SEC22C: variants seen among roughly 807,000 people sequenced by gnomAD.
SEC22C encodes the protein vesicle-trafficking protein SEC22c.
SEC22C carries 29 observed loss-of-function variants against 34.7 expected under a neutral mutation model. That is an observed-to-expected ratio of 0.84 (90% confidence interval 0.62 to 1.14). The LOEUF (loss-of-function observed/expected upper bound fraction) is 1.14, where lower values mean the gene tolerates loss of function less well. Ranked by LOEUF, SEC22C falls within the 50% of genes most tolerant of loss-of-function variation. The pLI is 0.00. For missense variants in SEC22C, 337 were observed against 369.0 expected (o/e 0.91, Z 0.71); for synonymous variants, 117 against 132.8 (o/e 0.88, Z 0.82).
chr3:42,576,028 G>T lies in SEC22C; in HGVS notation c.-28+5818C>A, dbSNP rs576671839. Among the ~76,000 whole-genome samples the T allele has an allele frequency of 1.8e-3, 274 of 152,136 alleles. 1 individual carries two copies. The highest frequency in any genetic ancestry group is 6.2e-3 in the African/African-American group (259 of 41,504). ...ACAAAGTGTGTTATATGACCACAGTGTAATCAAATTATAAATTAATAACAG... is the reference window on the plus strand; with the variant it reads ...ACAAAGTGTGTTATATGACCACAGTTTAATCAAATTATAAATTAATAACAG... On this transcript the variant is annotated intron_variant, in intron 1 of 6. Coordinates refer to ENST00000264454, the MANE Select transcript of SEC22C (RefSeq NM_032970.4).
At chr3:42,563,865 G>A (rs748246738) in intron 2 of SEC22C, 179 bp from the exon 3 acceptor site, 14 of 1,492,268 alleles carry the variant, frequency 9.4e-6, no homozygotes, top group South Asian at 7.2e-5. Context: ...TCTTTCTTCC[G>A]CTTCCTTTAA....
At chr3:42,597,264 T>C (rs1274173671) in intron 1 of SEC22C, among the ~76,000 whole-genome samples, 1 of 152,010 alleles carries the variant, frequency 6.6e-6, no homozygotes, top group Non-Finnish European at 1.5e-5. Context: ...TTTAAAAAGG[T>C]GACATGGACG....
At chr3:42,560,516 G>GA (rs758397738) in intron 4 of SEC22C, among the ~76,000 whole-genome samples, 61 of 114,968 alleles carry the variant, frequency 5.3e-4, no homozygotes, top group Non-Finnish European at 6.7e-4. Flanking sequence ...GTCTCTATTT[G>GA]AAAAAAAAAA....
At chr3:42,597,432 T>G (rs1033067290) in intron 1 of SEC22C, among the ~76,000 whole-genome samples, 10 of 152,154 alleles carry the variant, frequency 6.6e-5, no homozygotes, top group Non-Finnish European at 1.2e-4. Context: ...GGCGTGTGCC[T>G]GTAGTCTCAG....
intron 1 of SEC22C, among the ~76,000 whole-genome samples, chr3:42,577,500 T>A (rs1704044524): frequency 6.6e-6 from 1 of 151,984 alleles, no homozygotes; most frequent in Non-Finnish European, 1.5e-5. Flanking sequence ...GGATGGCAAA[T>A]CAGAGCATGA....
chr3:42,590,978 C>T (rs201194316), intron 1 of SEC22C: 3 of 331,112 alleles, frequency 9.1e-6, no homozygotes, highest in African/African-American at 6.4e-5. Context: ...TGAGCATCCA[C>T]GCGGGCGGGC....
At position 42,550,880 on chromosome 3, in the gene SEC22C, T is replaced by C. The variant is rs1702220620; in HGVS notation, c.*2368A>G. 1 of 984,660 alleles carries C rather than the reference T, an allele frequency of 1.0e-6. No individual in the cohort carries two copies. Among genetic ancestry groups the C allele is most frequent in the Non-Finnish European group, 1.2e-6 (1 of 829,722 alleles). The allele number at this position is 984,660 out of a possible 1,614,324, so 61.0% of individuals were successfully genotyped here. ...CCGTTCTTACCGACTTTTTTTTTTT[T>C]TTTTTTTGAGACGGAGTCTTGCTTT... On this transcript the variant is annotated 3_prime_UTR_variant, in exon 7 of 7. Coordinates refer to ENST00000264454, the MANE Select transcript of SEC22C (RefSeq NM_032970.4).
rs968475577 is a variant in SEC22C, at chr3:42,561,515, A to C, written c.347-219T>G. Among the ~76,000 whole-genome samples, 10 of 152,216 alleles carry C rather than the reference A, an allele frequency of 6.6e-5. No homozygotes were observed. In the East Asian group the frequency reaches 1.9e-3, roughly 29 times the overall value. ...CTAAGCCTCCCAAGTAGCTGAGACC[A>C]CAGATGTGTGCCACCACACCTGGCT... On this transcript the variant is annotated intron_variant, in intron 3 of 6. Transcript: ENST00000264454.
At chr3:42,557,211 T>C (rs536675997) in intron 5 of SEC22C, among the ~76,000 whole-genome samples, 2 of 152,308 alleles carry the variant, frequency 1.3e-5, no homozygotes, top group Admixed American at 6.5e-5. Context: ...GGGACAACCT[T>C]TTCTCAGGAG....
Position 42,563,514 on chromosome 3 carries a change from G to T in SEC22C, c.346+9C>A, listed in dbSNP as rs747730889. ...AAGAGAAAAATAAATATGAAAGAGG[G>T]TTACAAACCAAACTCAAGAAAAGCG... On this transcript the variant is annotated intron_variant, in intron 3 of 6. Coordinates refer to ENST00000264454, the MANE Select transcript of SEC22C (RefSeq NM_032970.4). 6.3e-7 allele frequency: 1 copy of T among 1,596,392 alleles called. No homozygotes were observed. The highest frequency in any genetic ancestry group is 1.7e-5 in the Admixed American group (1 of 57,716).
At chr3:42,589,241 C>T (rs1046985011) in intron 1 of SEC22C, among the ~76,000 whole-genome samples, 3 of 151,888 alleles carry the variant, frequency 2.0e-5, no homozygotes, top group Non-Finnish European at 2.9e-5. Context: ...TGCACTCCAG[C>T]CTGGGTGACA....
rs1704816193 is a variant in SEC22C, at chr3:42,591,060, C to A, written c.-28+9900G>T. On this transcript the variant is annotated intron_variant, in intron 1 of 6. Coordinates refer to the SEC22C transcript ENST00000417572. ...GAAGCATCCTGTAGTGAGCGGCCTC[C>A]CAGCTGACTGTGAAGGGTGCTGAGC... is the stretch of plus-strand genomic sequence containing the variant. 2.2e-6 allele frequency: 3 copies of A among 1,377,024 alleles called. No homozygotes were observed. In the African/African-American group the frequency reaches 4.3e-5, roughly 20 times the overall value. The allele number at this position is 1,377,024 out of a possible 1,614,324, so 85.3% of individuals were successfully genotyped here. A position where few individuals can be genotyped will look rare whatever the true frequency, so the allele number is the denominator to read the frequency against.
chr3:42,558,485 CAAA>C (rs769919883), intron 4 of SEC22C, among the ~76,000 whole-genome samples: 5 of 97,654 alleles, frequency 5.1e-5, no homozygotes, highest in Admixed American at 1.2e-4. Flanking sequence ...GACCTTGTCT[CAAA>C]AAAAAAAAAA....
chr3:42,601,000 G>T (rs1263264597), exon 1 of SEC22C: 2 of 1,561,140 alleles, frequency 1.3e-6, no homozygotes, highest in Non-Finnish European at 1.7e-6. Context: ...CCGCCACCTC[G>T]GTCGCGATGG....
chr3:42,566,645 C>A (rs545852742), intron 2 of SEC22C: 188 of 168,220 alleles, frequency 1.1e-3, no homozygotes, highest in African/African-American at 4.0e-3. Flanking sequence ...TGCCACTGCA[C>A]TCCAGCCTGG....
At chr3:42,592,481 T>A (rs1244780900) in intron 1 of SEC22C, among the ~76,000 whole-genome samples, 4 of 152,248 alleles carry the variant, frequency 2.6e-5, no homozygotes, top group Non-Finnish European at 5.9e-5. Flanking sequence ...ATTACAGGCA[T>A]GAGCCACCAC....
At chr3:42,554,088 C>T (rs1353631894) in intron 6 of SEC22C, among the ~76,000 whole-genome samples, 1 of 151,266 alleles carries the variant, frequency 6.6e-6, no homozygotes, top group African/African-American at 2.4e-5. Context: ...TGGTTCAATG[C>T]TTTGTTTTTT....
Position 42,568,988 on chromosome 3 carries a change from G to A in SEC22C, c.59C>T (p.Ala20Val), listed in dbSNP as rs1703438312. 3.1e-6 allele frequency: 5 copies of A among 1,614,074 alleles called. No individual in the cohort carries two copies. The highest frequency in any genetic ancestry group is 4.2e-6 in the Non-Finnish European group (5 of 1,180,030). ...TTGGGTGTGGTAAAAATCAGTAGAG[G>A]CTGAGAGGGGCAGTCCATCCCTTAC... ...VRVRDGLPLS[A>V]STDFYHTQDF... is the part of the protein sequence containing the mutation. Residue 20 changes from alanine to valine, a missense_variant, in exon 2 of 7, where the codon GCC (alanine) becomes GTC (valine). Transcript: ENST00000264454.
At chr3:42,558,444 C>T (rs973347617) in intron 4 of SEC22C, among the ~76,000 whole-genome samples, 7 of 149,392 alleles carry the variant, frequency 4.7e-5, no homozygotes, top group Non-Finnish European at 8.9e-5. Flanking sequence ...GCCATGATTG[C>T]GCCCCTGCAC....
Sources: gnomAD v4.1 joint callset for allele counts (sites outside exome capture counted in the v4.1 genomes callset) on GRCh38, gnomAD v4.1.1 for gene constraint, MANE v1.5 for transcripts, NCBI Gene and HGNC (gene_info 2026-07-23, HGNC 2026-07-21) for gene names.